RABIF: variants seen among roughly 807,000 people sequenced by gnomAD.
RABIF encodes the protein guanine nucleotide exchange factor MSS4.
A neutral mutation model predicts 12.3 loss-of-function variants in RABIF; 13 were observed. That is an observed-to-expected ratio of 1.06 (90% CI 0.69 to 1.68). RABIF has a LOEUF of 1.68. Among genes scored for constraint, RABIF ranks in the 40% most tolerant of loss-of-function variants. The probability of loss-of-function intolerance (pLI) is 0.00; values close to 1 mark genes in which losing one functional copy is unlikely to be tolerated. For missense variants in RABIF, 153 were observed against 158.0 expected (o/e 0.97, Z 0.17); for synonymous variants, 70 against 63.3 (o/e 1.11, Z -0.50).
In RABIF at chr1:202,878,755, T is replaced by C. The variant is rs1243126066; in HGVS notation, c.*2223A>G. On this transcript the variant is annotated 3_prime_UTR_variant, in exon 2 of 2. Coordinates refer to ENST00000367262, the MANE Select transcript of RABIF (RefSeq NM_002871.5). ...GCAGAAAGCACAGGTTGCCTCTATC[T>C]ACCCACAGCAAATAGCAGCTGATTC... Among the ~76,000 whole-genome samples, 1 of 152,218 alleles carries C rather than the reference T, an allele frequency of 6.6e-6. No homozygotes were observed. The highest frequency in any genetic ancestry group is 2.4e-5 in the African/African-American group (1 of 41,456).
rs986137606 is a variant in RABIF, at chr1:202,880,328, A to G, written c.*650T>C. On this transcript the variant is annotated 3_prime_UTR_variant, in exon 2 of 2. Transcript: ENST00000367262. ...GGAGCTAATATAAAAAGAAACTACA[A>G]GATTTCAAGGGAAGAGGGACCACAC... 4 of 152,654 alleles carry G rather than the reference A, an allele frequency of 2.6e-5. No individual in the cohort carries two copies. Among genetic ancestry groups the G allele is most frequent in the African/African-American group, 9.6e-5 (4 of 41,454 alleles). 9.5% of individuals were successfully genotyped at this position (152,654 alleles called of 1,614,324 possible).
At position 202,879,897 on chromosome 1, in the gene RABIF, T is replaced by C. The variant is rs137954080; in HGVS notation, c.*1081A>G. On this transcript the variant is annotated 3_prime_UTR_variant, in exon 2 of 2. Transcript: ENST00000367262. Reference sequence around the variant, plus strand: ...TTTCAGAATAGAAATGATGGAATAATTGGAAATCAAGTTGAAGGCTTAAAC... The same window carrying C: ...TTTCAGAATAGAAATGATGGAATAACTGGAAATCAAGTTGAAGGCTTAAAC... The C allele has an allele frequency of 1.1e-3, 171 of 152,282 alleles. 1 individual carries two copies. Among genetic ancestry groups the C allele is most frequent in the African/African-American group, 3.9e-3 (163 of 41,568 alleles). 9.4% of individuals were successfully genotyped at this position (152,282 alleles called of 1,614,324 possible). A position where few individuals can be genotyped will look rare whatever the true frequency, so the allele number is the denominator to read the frequency against.
intron 1 of RABIF, among the ~76,000 whole-genome samples, chr1:202,882,267 GC>G (rs1228148489): frequency 1.3e-5 from 2 of 152,152 alleles, no homozygotes; most frequent in Non-Finnish European, 2.9e-5. Flanking sequence ...TGTAGTCCCA[GC>G]CACTCATGGG....
chr1:202,886,399 A>G (rs1266609888), intron 1 of RABIF, among the ~76,000 whole-genome samples: 1 of 151,976 alleles, frequency 6.6e-6, no homozygotes, highest in Non-Finnish European at 1.5e-5. Context: ...TCACCTGGCC[A>G]ACATGCTGAA....
At chr1:202,886,491 T>C (rs1571505777) in intron 1 of RABIF, among the ~76,000 whole-genome samples, 1 of 151,332 alleles carries the variant, frequency 6.6e-6, no homozygotes, top group Non-Finnish European at 1.5e-5. Context: ...GAAGCTGAGG[T>C]AGGAAAATCA....
At position 202,889,102 on chromosome 1, in the gene RABIF, C is replaced by T. The variant is rs1312244823; in HGVS notation, c.-4G>A. 3.7e-6 allele frequency: 6 copies of T among 1,601,248 alleles called. No individual in the cohort carries two copies. The highest frequency in any genetic ancestry group is 5.1e-6 in the Non-Finnish European group (6 of 1,174,252). On this transcript the variant is annotated 5_prime_UTR_variant, in exon 1 of 2. Transcript: ENST00000367262. ...TCGGCTGCTCCGCTGGTTCCATCGC[C>T]GCTGCCGCCACAGGCTCCTCAGCCA...
chr1:202,880,680 A>G lies in RABIF; in HGVS notation c.*298T>C. 2 of 1,105,130 alleles carry G rather than the reference A, an allele frequency of 1.8e-6. No homozygotes were observed. Among genetic ancestry groups the G allele is most frequent in the Middle Eastern group, 4.0e-4 (1 of 2,524 alleles). 68.5% of individuals were successfully genotyped at this position (1,105,130 alleles called of 1,614,324 possible). The stretch of plus-strand genomic sequence containing the variant: ...AAAAGCGGGAGCCCCTGGGCAAAAC[A>G]GAGCCTAGGGAGAATGCCAGGGAAG... On this transcript the variant is annotated 3_prime_UTR_variant, in exon 2 of 2. Coordinates refer to ENST00000367262, the MANE Select transcript of RABIF (RefSeq NM_002871.5).
At chr1:202,886,745 C>CTTTTTTTT (rs71142572) in intron 1 of RABIF, among the ~76,000 whole-genome samples, 1 of 147,564 alleles carries the variant, frequency 6.8e-6, no homozygotes, top group East Asian at 2.1e-4. Context: ...TTTCTTTTTT[C>CTTTTTTTT]TTTTTTTTTT....
chr1:202,888,906 G>A (rs1319246062), intron 1 of RABIF, 67 bp downstream of exon 1: 1 of 1,455,200 alleles, frequency 6.9e-7, no homozygotes, highest in Admixed American at 2.7e-5. Context: ...CCGGGGTTCA[G>A]ATTCTGACTG....
chr1:202,887,287 G>A lies in RABIF; in HGVS notation c.126+1686C>T, dbSNP rs1483353022. Among the ~76,000 whole-genome samples, 13 of 151,852 alleles carry A rather than the reference G, an allele frequency of 8.6e-5. No individual in the cohort carries two copies. The East Asian group carries it at 1.2e-3, about 14-fold the overall frequency. On this transcript the variant is annotated intron_variant, in intron 1 of 1. Transcript: ENST00000367262. ...CCGCGGCCGGCATATGGCTCAGAAC[G>A]GCTTTGAATGCGGCCCAACACAAAT... is the stretch of plus-strand genomic sequence containing the variant.
Position 202,880,923 on chromosome 1 carries a change from T to C in RABIF, c.*55A>G, listed in dbSNP as rs1234279986. The C allele has an allele frequency of 6.3e-7, 1 of 1,595,456 alleles. No individual in the cohort carries two copies. Among genetic ancestry groups the C allele is most frequent in the African/African-American group, 1.3e-5 (1 of 74,444 alleles). On this transcript the variant is annotated 3_prime_UTR_variant, in exon 2 of 2. Coordinates refer to ENST00000367262, the MANE Select transcript of RABIF (RefSeq NM_002871.5). ...CAGTTATACCACATTAAAGGCCAGT[T>C]CTTGTGGGGAGTAGGTTTATCTTTG...
chr1:202,885,603 T>G lies in RABIF; in HGVS notation c.126+3370A>C, dbSNP rs1659549682. The stretch of plus-strand genomic sequence containing the variant: ...ACCTTTACGGGGTTTACCCCAAAGC[T>G]TTAGTTAAGGAGCTCAGCATCTCAG... On this transcript the variant is annotated intron_variant, in intron 1 of 1. Transcript: ENST00000367262. Among the ~76,000 whole-genome samples, 4 of 152,332 alleles carry G rather than the reference T, an allele frequency of 2.6e-5. No homozygotes were observed. In the South Asian group the frequency reaches 6.2e-4, roughly 24 times the overall value.
rs940188798 is a variant in RABIF at position 202,880,358 on chromosome 1, C to T, written c.*620G>A. The T allele has an allele frequency of 6.6e-6, 1 of 152,616 alleles. No homozygotes were observed. Among genetic ancestry groups the T allele is most frequent in the African/African-American group, 2.4e-5 (1 of 41,414 alleles). The allele number at this position is 152,616 out of a possible 1,614,324, so 9.5% of individuals were successfully genotyped here. A position where few individuals can be genotyped will look rare whatever the true frequency, so the allele number is the denominator to read the frequency against. On this transcript the variant is annotated 3_prime_UTR_variant, in exon 2 of 2. Transcript: ENST00000367262. ...TCAAGGGAAGAGGGACCACACCCAT[C>T]TTCACAATAAAATGTCATTCTCAAC...
At chr1:202,885,967 A>ACC (rs1557979693) in intron 1 of RABIF, among the ~76,000 whole-genome samples, 51 of 105,286 alleles carry the variant, frequency 4.8e-4, no homozygotes, top group Admixed American at 1.0e-3. Context: ...CACAACCCAA[A>ACC]AAAAAAAAAA....
At chr1:202,882,545 G>A (rs1659505815) in intron 1 of RABIF, among the ~76,000 whole-genome samples, 3 of 152,090 alleles carry the variant, frequency 2.0e-5, no homozygotes, top group Admixed American at 2.0e-4. Flanking sequence ...GACAGAGTGA[G>A]ATCGTCTCAA....
rs1259128478 is a variant in RABIF, at chr1:202,881,030, A to G, written c.320T>C (p.Leu107Pro). The change falls in exon 2 of 2, where the codon CTA becomes CCA. Residue 107 changes from leucine (L) to proline (P), a missense_variant. By Grantham distance (98) the Leu-to-Pro change is moderately conservative. Transcript: ENST00000367262. ...CEIGPIGWHCLDDKNSFYVAL... is the reference protein window; with the variant it reads ...CEIGPIGWHCPDDKNSFYVAL... The stretch of plus-strand genomic sequence containing the variant: ...CACATAGAAACTGTTCTTGTCATCT[A>G]GGCAATGCCAGCCAATTGGTCCAAT... 1.2e-6 allele frequency: 2 copies of G among 1,614,032 alleles called. No homozygotes were observed. Among genetic ancestry groups the G allele is most frequent in the African/African-American group, 2.7e-5 (2 of 74,908 alleles).
Position 202,884,544 on chromosome 1 carries a change from G to A in RABIF, c.127-3321C>T, listed in dbSNP as rs116255178. 8.4e-3 allele frequency among the ~76,000 whole-genome samples: 1,286 copies of A among 152,266 alleles called. 9 individuals are homozygous for A. Among genetic ancestry groups the A allele is most frequent in the Middle Eastern group, 0.014 (4 of 294 alleles). On this transcript the variant is annotated intron_variant, in intron 1 of 1. Transcript: ENST00000367262. The stretch of plus-strand genomic sequence containing the variant: ...CCACTTCTCATGGGACACTTGTGCG[G>A]GGAGCCTTCAGCCACTGTGTTAGAA...
intron 1 of RABIF, among the ~76,000 whole-genome samples, chr1:202,888,432 G>C (rs1031039062): frequency 1.1e-4 from 16 of 152,194 alleles, no homozygotes; most frequent in Non-Finnish European, 2.9e-5. Flanking sequence ...TTATTTTGCC[G>C]CGTCCCCAAC....
In RABIF at chr1:202,885,459, T is replaced by C. The variant is rs142000219; in HGVS notation, c.126+3514A>G. 4.1e-3 allele frequency among the ~76,000 whole-genome samples: 623 copies of C among 152,374 alleles called. 3 individuals are homozygous for C. The highest frequency in any genetic ancestry group is 0.014 in the African/African-American group (599 of 41,592). Reference sequence around the variant, plus strand: ...AGACTCCTTACACCTTTCTGCAGGCTTAACGGCTGGGAGCGCTCCTTTAAC... The same window carrying C: ...AGACTCCTTACACCTTTCTGCAGGCCTAACGGCTGGGAGCGCTCCTTTAAC... On this transcript the variant is annotated intron_variant, in intron 1 of 1. Coordinates refer to ENST00000367262, the MANE Select transcript of RABIF (RefSeq NM_002871.5).
Sources: gnomAD v4.1 joint callset for allele counts (sites outside exome capture counted in the v4.1 genomes callset) on GRCh38, gnomAD v4.1.1 for gene constraint, MANE v1.5 for transcripts, NCBI Gene and HGNC (gene_info 2026-07-23, HGNC 2026-07-21) for gene names.